The following SEC22C variants were observed in gnomAD, a reference collection of about 807,000 sequenced individuals.
SEC22C encodes SEC22 homolog C, vesicle trafficking protein.
In SEC22C, 29 loss-of-function variants were observed where a neutral mutation model predicts 34.7. That is an observed-to-expected ratio of 0.84 (90% CI 0.62 to 1.14). The LOEUF (loss-of-function observed/expected upper bound fraction) is 1.14, where lower values mean the gene tolerates loss of function less well. SEC22C is among the 50% of genes most tolerant of loss of function. SEC22C has a pLI of 0.00. For synonymous variants in SEC22C, 117 were observed against 132.8 expected (o/e 0.88, Z 0.82); for missense variants, 337 against 369.0 (o/e 0.91, Z 0.71).
Position 42,553,120 on chromosome 3 carries a change from A to G in SEC22C, c.*128T>C, listed in dbSNP as rs1409606839. On this transcript the variant is annotated 3_prime_UTR_variant, in exon 7 of 7. Transcript: ENST00000264454. ...CCACTGCAACTGTTTAACATCCCCA[A>G]TTCCTGGTTTTTCAGTCCAGTTGGC... 14 of 1,464,172 alleles carry G rather than the reference A, an allele frequency of 9.6e-6. No homozygotes were observed. The Admixed American group carries it at 3.1e-4, about 32-fold the overall frequency. 90.7% of individuals were successfully genotyped at this position (1,464,172 alleles called of 1,614,324 possible). A position where few individuals can be genotyped will look rare whatever the true frequency, so the allele number is the denominator to read the frequency against.
chr3:42,601,068 A>G, exon 1 of SEC22C: 1 of 1,567,022 alleles, frequency 6.4e-7, no homozygotes, highest in Non-Finnish European at 8.6e-7. Flanking sequence ...GAGCCGGGTG[A>G]GCTGGAAACT....
intron 1 of SEC22C, among the ~76,000 whole-genome samples, chr3:42,574,363 CAAA>C (rs202174342): frequency 1.1e-4 from 10 of 87,858 alleles, no homozygotes; most frequent in Admixed American, 2.8e-4. Flanking sequence ...GACCCTGTCT[CAAA>C]AAAAAAAAAA....
chr3:42,596,627 TTC>T (rs1373214914), intron 1 of SEC22C, among the ~76,000 whole-genome samples: 2 of 152,226 alleles, frequency 1.3e-5, no homozygotes, highest in Non-Finnish European at 2.9e-5. Context: ...TCCCAGGAGT[TTC>T]TTCACCTTAA....
In SEC22C at chr3:42,563,645, G is replaced by A; in HGVS notation, c.224C>T (p.Ser75Phe). Residue 75 changes from serine to phenylalanine, a missense_variant, in exon 3 of 7, where the codon TCC becomes TTC. Ser to Phe is a radical substitution (Grantham distance 155, BLOSUM62 -2). Coordinates refer to ENST00000264454, the MANE Select transcript of SEC22C (RefSeq NM_032970.4). ...GGCCATGGCTGCTGGACACTGGCAG[G>A]AGCAGATAGCCATGCAGGCCACGTC... ...FGDVACMAIC[S>F]CQCPAAMAFC... 6.2e-7 allele frequency: 1 copy of A among 1,614,140 alleles called. No individual in the cohort carries two copies. The highest frequency in any genetic ancestry group is 8.5e-7 in the Non-Finnish European group (1 of 1,180,014).
chr3:42,579,146 A>G (rs1704150730), intron 1 of SEC22C, among the ~76,000 whole-genome samples: 1 of 152,120 alleles, frequency 6.6e-6, no homozygotes, highest in Non-Finnish European at 1.5e-5. Context: ...GTATGGTGGT[A>G]CATGCCTGTA....
intron 4 of SEC22C, 93 bp downstream of exon 4, chr3:42,561,024 C>CA: frequency 7.5e-7 from 1 of 1,339,652 alleles, no homozygotes; most frequent in Non-Finnish European, 1.0e-6. Context: ...TCCCTCTCCC[C>CA]AAAAAATAGC....
At chr3:42,599,347 AG>A (rs1366172753) in intron 1 of SEC22C, among the ~76,000 whole-genome samples, 1 of 152,038 alleles carries the variant, frequency 6.6e-6, no homozygotes, top group Non-Finnish European at 1.5e-5. Flanking sequence ...ACAAAAATCC[AG>A]AAACAGACCC....
At chr3:42,564,213 G>T in intron 2 of SEC22C, 3 of 231,468 alleles carry the variant, frequency 1.3e-5, no homozygotes, top group South Asian at 5.7e-5. Context: ...GTGGTATTTA[G>T]GTTATTTTGG....
At chr3:42,600,969 C>T (rs1705355405) in exon 1 of SEC22C, 2 of 1,505,718 alleles carry the variant, frequency 1.3e-6, no homozygotes, top group Non-Finnish European at 1.8e-6. Flanking sequence ...CCGCTTTTCT[C>T]CCCCTCTCTC....
At chr3:42,588,218 A>G (rs1296927536) in intron 1 of SEC22C, among the ~76,000 whole-genome samples, 2 of 152,022 alleles carry the variant, frequency 1.3e-5, no homozygotes, top group Non-Finnish European at 2.9e-5. Context: ...CCTGGCCAAC[A>G]TAGAGAAACC....
intron 2 of SEC22C, among the ~76,000 whole-genome samples, chr3:42,564,850 C>G (rs1307866115): frequency 1.3e-5 from 2 of 152,198 alleles, no homozygotes; most frequent in African/African-American, 2.4e-5. Context: ...CTCAACCTCC[C>G]AGGCTCAAGC....
Position 42,549,509 on chromosome 3 carries a change from C to T in SEC22C, c.*3739G>A, listed in dbSNP as rs968101580. 13 of 985,618 alleles carry T rather than the reference C, an allele frequency of 1.3e-5. No homozygotes were observed. In the African/African-American group the frequency reaches 2.1e-4, roughly 16 times the overall value. The allele number at this position is 985,618 out of a possible 1,614,324, so 61.1% of individuals were successfully genotyped here. On this transcript the variant is annotated 3_prime_UTR_variant, in exon 7 of 7. Transcript: ENST00000264454. Reference sequence around the variant, plus strand: ...GCTTCCTGTGCCTCACACAGCCAGCCTTGCTGGCCTGCTGGCTATTGTCTC... The same window carrying T: ...GCTTCCTGTGCCTCACACAGCCAGCTTTGCTGGCCTGCTGGCTATTGTCTC...
Position 42,550,471 on chromosome 3 carries a change from A to C in SEC22C, c.*2777T>G. On this transcript the variant is annotated 3_prime_UTR_variant, in exon 7 of 7. Coordinates refer to ENST00000264454, the MANE Select transcript of SEC22C (RefSeq NM_032970.4). ...AGCCTGGGGATTTCCCTCGGATGAA[A>C]TCACCAGAACTTCTTTCCTATTTTC... The C allele has an allele frequency of 1.0e-6, 1 of 985,416 alleles. No homozygotes were observed. The highest frequency in any genetic ancestry group is 1.2e-6 in the Non-Finnish European group (1 of 829,932). 61.0% of individuals were successfully genotyped at this position (985,416 alleles called of 1,614,324 possible).
At chr3:42,590,124 A>G (rs1559535942) in intron 1 of SEC22C, among the ~76,000 whole-genome samples, 1 of 152,218 alleles carries the variant, frequency 6.6e-6, no homozygotes, top group Non-Finnish European at 1.5e-5. Flanking sequence ...TTCCTGCCCC[A>G]AATAAGTCCA....
intron 1 of SEC22C, chr3:42,591,341 G>A: frequency 1.7e-6 from 1 of 602,592 alleles, no homozygotes; most frequent in Non-Finnish European, 3.0e-6. Context: ...TGGGATTACA[G>A]GAGCGCGACG....
chr3:42,560,118 C>CTA (rs1166049263), intron 4 of SEC22C, among the ~76,000 whole-genome samples: 150 of 90,592 alleles, frequency 1.7e-3, no homozygotes, highest in Non-Finnish European at 1.9e-3. Context: ...CTCTCTCTCT[C>CTA]TCTATATATA....
chr3:42,570,633 T>C (rs779869016), intron 1 of SEC22C, among the ~76,000 whole-genome samples: 3 of 152,056 alleles, frequency 2.0e-5, no homozygotes, highest in Non-Finnish European at 4.4e-5. Flanking sequence ...GCTACTAAGT[T>C]TGCAGCACCA....
intron 3 of SEC22C, among the ~76,000 whole-genome samples, chr3:42,563,035 C>G (rs1034083315): frequency 2.0e-5 from 3 of 152,230 alleles, no homozygotes; most frequent in African/African-American, 4.8e-5. Flanking sequence ...ACCCTTTGAG[C>G]AGTAATGCTC....
intron 1 of SEC22C, chr3:42,590,924 G>T: frequency 1.2e-6 from 2 of 1,613,294 alleles, no homozygotes; most frequent in Non-Finnish European, 1.7e-6. Flanking sequence ...TACCGGACTG[G>T]CTGAGGGGCA....
Sources: gnomAD v4.1 joint callset for allele counts (sites outside exome capture counted in the v4.1 genomes callset) on GRCh38, gnomAD v4.1.1 for gene constraint, MANE v1.5 for transcripts, NCBI Gene and HGNC (gene_info 2026-07-23, HGNC 2026-07-21) for gene names.